Variants in PLXNA2 observed in about 807,000 individuals in gnomAD.
PLXNA2 encodes the protein plexin A2.
Under a neutral mutation model 193.5 loss-of-function variants are expected in PLXNA2, and 91 were observed. The observed-to-expected ratio is 0.47, with a 90% confidence interval of 0.40 to 0.56. The LOEUF (loss-of-function observed/expected upper bound fraction) is 0.56, where lower values mean the gene tolerates loss of function less well. PLXNA2 is among the 20% of genes least tolerant of loss of function. PLXNA2 has a pLI of 0.00. For synonymous variants in PLXNA2, 997 were observed against 1,027.3 expected (o/e 0.97, Z 0.56); for missense variants, 1,995 against 2,503.2 (o/e 0.80, Z 4.33).
intron 1 of PLXNA2, among the ~76,000 whole-genome samples, chr1:208,233,901 G>A (rs969783519): frequency 6.6e-6 from 1 of 152,208 alleles, no homozygotes; most frequent in African/African-American, 2.4e-5. Flanking sequence ...AAAAGGGGGG[G>A]TCTTTTGACA....
chr1:208,061,216 T>A (rs1665608323), intron 12 of PLXNA2, among the ~76,000 whole-genome samples: 2 of 152,188 alleles, frequency 1.3e-5, no homozygotes. Context: ...GAAGGGGGTA[T>A]AATCATTTCT....
At chr1:208,099,417 T>G (rs1667020363) in intron 5 of PLXNA2, among the ~76,000 whole-genome samples, 2 of 152,216 alleles carry the variant, frequency 1.3e-5, no homozygotes, top group East Asian at 3.8e-4. Context: ...GTATGTCTTA[T>G]GTAAATGAAG....
At chr1:208,080,505 A>C (rs1434035448) in intron 11 of PLXNA2, among the ~76,000 whole-genome samples, 1 of 152,186 alleles carries the variant, frequency 6.6e-6, no homozygotes, top group Non-Finnish European at 1.5e-5. Context: ...AAGCACATGT[A>C]AGCTTTCAGG....
chr1:208,096,627 A>G, intron 7 of PLXNA2, 103 bp downstream of exon 7: 1 of 1,316,682 alleles, frequency 7.6e-7, no homozygotes, highest in Non-Finnish European at 1.0e-6. Flanking sequence ...AGCCAATATT[A>G]GTATCTGGTA....
At chr1:208,099,695 T>A (rs1667029135) in intron 5 of PLXNA2, among the ~76,000 whole-genome samples, 1 of 152,096 alleles carries the variant, frequency 6.6e-6, no homozygotes, top group African/African-American at 2.4e-5. Context: ...CCCAGCCTCC[T>A]GAGTATCTGG....
chr1:208,172,973 T>C (rs1205721893), intron 3 of PLXNA2, among the ~76,000 whole-genome samples: 2 of 152,180 alleles, frequency 1.3e-5, no homozygotes, highest in Non-Finnish European at 2.9e-5. Flanking sequence ...TGTGAGCAAG[T>C]TACTGCCCTC....
At chr1:208,148,244 A>G (rs1668657163) in intron 3 of PLXNA2, among the ~76,000 whole-genome samples, 1 of 152,092 alleles carries the variant, frequency 6.6e-6, no homozygotes, top group Non-Finnish European at 1.5e-5. Context: ...ATATCACATT[A>G]TTATTAGTAG....
intron 4 of PLXNA2, among the ~76,000 whole-genome samples, chr1:208,106,143 G>A (rs114921525): frequency 3.3e-5 from 5 of 151,740 alleles, no homozygotes; most frequent in South Asian, 2.1e-4. Flanking sequence ...AGGGGTGGAG[G>A]GGGGGTGGTC....
chr1:208,042,075 C>A, intron 22 of PLXNA2, 23 bp downstream of exon 22: 1 of 1,609,332 alleles, frequency 6.2e-7, no homozygotes, highest in South Asian at 1.1e-5. Context: ...GCCACCCTCT[C>A]CACCCACTGC....
chr1:208,031,881 A>T (rs1023006666), intron 28 of PLXNA2, 122 bp from the exon 29 acceptor site: 21 of 1,263,952 alleles, frequency 1.7e-5, no homozygotes, highest in Non-Finnish European at 2.0e-5. Flanking sequence ...GAGGCTGTGC[A>T]GGCAGTGTTG....
rs763212668 is a variant in PLXNA2 at position 208,079,365 on chromosome 1, G to A, written c.2481C>T (p.Ser827=). The part of the protein sequence containing the change: ...ADRKFECGWC[S]GERRCTLHQH... The stretch of plus-strand genomic sequence containing the variant: ...GGTGGAGGGTGCACCTGCGCTCGCC[G>A]CTGCACCAGCCACACTCAAACTTCC... Residue 827 remains serine, a synonymous_variant, in exon 12 of 32, where the codon AGC becomes AGT. Transcript: ENST00000367033. 1.2e-5 allele frequency: 19 copies of A among 1,612,212 alleles called. No homozygotes were observed. The highest frequency in any genetic ancestry group is 9.9e-5 in the South Asian group (9 of 90,904).
chr1:208,107,521 C>T (rs895087535), intron 4 of PLXNA2, among the ~76,000 whole-genome samples: 1 of 152,118 alleles, frequency 6.6e-6, no homozygotes, highest in Non-Finnish European at 1.5e-5. Context: ...CAGTCAGGAG[C>T]CACTTCACTT....
intron 4 of PLXNA2, among the ~76,000 whole-genome samples, chr1:208,121,132 C>A (rs11576425): frequency 0.081 from 12,355 of 152,192 alleles, 576 homozygotes; most frequent in Middle Eastern, 0.099. Flanking sequence ...TCTCTGTAAA[C>A]CAATGCTGCT....
intron 3 of PLXNA2, among the ~76,000 whole-genome samples, chr1:208,208,655 G>A (rs555717242): frequency 2.6e-5 from 4 of 152,358 alleles, no homozygotes; most frequent in Non-Finnish European, 4.4e-5. Flanking sequence ...TGAAGGTAGG[G>A]GAAAGGTGCT....
chr1:208,209,291 G>A (rs1162612231), intron 3 of PLXNA2, among the ~76,000 whole-genome samples: 2 of 152,144 alleles, frequency 1.3e-5, no homozygotes, highest in Admixed American at 6.5e-5. Context: ...CTCACTCCAG[G>A]TTACCCTCCT....
chr1:208,151,015 G>A (rs1042286763), intron 3 of PLXNA2, among the ~76,000 whole-genome samples: 1 of 152,212 alleles, frequency 6.6e-6, no homozygotes, highest in African/African-American at 2.4e-5. Context: ...TTAGGCTTGG[G>A]CAGGTCAGGA....
At chr1:208,176,268 C>T (rs1328879867) in intron 3 of PLXNA2, among the ~76,000 whole-genome samples, 3 of 152,294 alleles carry the variant, frequency 2.0e-5, no homozygotes, top group East Asian at 1.9e-4. Flanking sequence ...TAGACTCATT[C>T]ATTTCATTTC....
At chr1:208,203,713 T>C (rs1297495236) in intron 3 of PLXNA2, among the ~76,000 whole-genome samples, 1 of 152,124 alleles carries the variant, frequency 6.6e-6, no homozygotes, top group Non-Finnish European at 1.5e-5. Flanking sequence ...GGGGTGAGCA[T>C]ATAACCTTGG....
rs373678529 is a variant in PLXNA2 at position 208,054,402 on chromosome 1, C to T, written c.2856+19G>A. The T allele has an allele frequency of 1.9e-5, 30 of 1,565,536 alleles. No homozygotes were observed. Among genetic ancestry groups the T allele is most frequent in the Middle Eastern group, 1.7e-4 (1 of 5,800 alleles). On this transcript the variant is annotated intron_variant, in intron 14 of 31. Transcript: ENST00000367033. Reference sequence around the variant, plus strand: ...CTCCTCCCTGGGCACCTGCACCTGGCCCTGGACCCAGTACTCACCACGAAG... The same window carrying T: ...CTCCTCCCTGGGCACCTGCACCTGGTCCTGGACCCAGTACTCACCACGAAG...
Sources: allele counts gnomAD v4.1 joint callset (sites outside exome capture counted in the v4.1 genomes callset), GRCh38; gene constraint gnomAD v4.1.1; transcripts MANE v1.5; gene names NCBI Gene and HGNC (gene_info 2026-07-23, HGNC 2026-07-21).